The following CRACDL variants were observed in gnomAD, a reference collection of about 807,000 sequenced individuals.
CRACDL encodes the protein CRACD like, also known as CRACD-like protein.
In CRACDL, 26 loss-of-function variants were observed where a neutral mutation model predicts 70.6. The ratio of observed to expected loss-of-function variants is 0.37; its 90% CI spans 0.27 to 0.51. The LOEUF (loss-of-function observed/expected upper bound fraction) is 0.51. Among genes scored for constraint, CRACDL ranks in the 20% least tolerant of loss-of-function variants. CRACDL has a pLI of 0.94. For missense variants in CRACDL, 1,283 were observed against 1,376.9 expected (o/e 0.93, Z 1.08); for synonymous variants, 618 against 615.2 (o/e 1.00, Z -0.07).
At chr2:98,904,558 C>T (rs1417806539) in intron 1 of CRACDL, among the ~76,000 whole-genome samples, 2 of 152,218 alleles carry the variant, frequency 1.3e-5, no homozygotes, top group Non-Finnish European at 2.9e-5. Context: ...TTAGATACTG[C>T]ATATGAATGC....
chr2:98,837,170 C>T (rs34087245), intron 3 of CRACDL, among the ~76,000 whole-genome samples: 1,480 of 146,668 alleles, frequency 0.01, 13 homozygotes, highest in Middle Eastern at 0.018. Context: ...CCTGCTAGCA[C>T]CAAAAACAAT....
intron 1 of CRACDL, among the ~76,000 whole-genome samples, chr2:98,907,236 G>A (rs1309753152): frequency 6.6e-6 from 1 of 152,194 alleles, no homozygotes; most frequent in Non-Finnish European, 1.5e-5. Context: ...AGGTTGCGGT[G>A]AGCCAAGATC....
intron 1 of CRACDL, among the ~76,000 whole-genome samples, chr2:98,924,806 C>G (rs1283714026): frequency 6.6e-6 from 1 of 152,196 alleles, no homozygotes; most frequent in Admixed American, 6.5e-5. Context: ...CCTTAGCCCC[C>G]CAAAAAGGGG....
chr2:98,886,553 A>G (rs1707801893), intron 1 of CRACDL, among the ~76,000 whole-genome samples: 1 of 152,248 alleles, frequency 6.6e-6, no homozygotes. Flanking sequence ...CAGAGTCATC[A>G]ACTGCCTGGT....
chr2:98,906,450 C>T (rs1330002068), intron 1 of CRACDL, among the ~76,000 whole-genome samples: 5 of 151,962 alleles, frequency 3.3e-5, no homozygotes, highest in Non-Finnish European at 7.4e-5. Flanking sequence ...TTAGTACAGA[C>T]GGGGTTTTGC....
chr2:98,861,528 A>G (rs1011125161), intron 1 of CRACDL, among the ~76,000 whole-genome samples: 4 of 152,192 alleles, frequency 2.6e-5, no homozygotes, highest in African/African-American at 9.7e-5. Flanking sequence ...CAGTGCCTCA[A>G]AATGTGAAAC....
At chr2:98,815,580 T>TA (rs1235760039) in intron 7 of CRACDL, among the ~76,000 whole-genome samples, 1 of 152,204 alleles carries the variant, frequency 6.6e-6, no homozygotes, top group Non-Finnish European at 1.5e-5. Context: ...TCTGTGCTAA[T>TA]ACGGGGGTAT....
At chr2:98,843,781 A>G (rs373940425) in intron 2 of CRACDL, among the ~76,000 whole-genome samples, 18 of 152,212 alleles carry the variant, frequency 1.2e-4, no homozygotes, top group African/African-American at 4.1e-4. Context: ...GTAAGTCTTA[A>G]AAACAGGTAG....
intron 7 of CRACDL, among the ~76,000 whole-genome samples, chr2:98,815,406 A>G (rs976550845): frequency 6.6e-6 from 1 of 152,192 alleles, no homozygotes; most frequent in East Asian, 1.9e-4. Context: ...TCTAACTCAG[A>G]TGTCTCCTTT....
intron 1 of CRACDL, among the ~76,000 whole-genome samples, chr2:98,882,870 T>C (rs1430397096): frequency 6.6e-6 from 1 of 152,182 alleles, no homozygotes; most frequent in Non-Finnish European, 1.5e-5. Flanking sequence ...CTAAGGCAGG[T>C]ATCAGTAGAA....
rs542567722 is a variant in CRACDL at position 98,891,054 on chromosome 2, A to AAAAT, written c.-10-44248_-10-44245dup. On this transcript the variant is annotated intron_variant, in intron 1 of 9. Transcript: ENST00000397899. The stretch of plus-strand genomic sequence containing the variant: ...GTGACAAGAGCAAGACTCCATCTCA[A>AAAAT]AAATAAATAAATAAATAAATAAATA... 2.5e-3 allele frequency among the ~76,000 whole-genome samples: 385 copies of AAAAT among 151,798 alleles called. 2 individuals carry two copies. The highest frequency in any genetic ancestry group is 6.4e-3 in the East Asian group (33 of 5,166).
In CRACDL at chr2:98,796,243, A is replaced by C. The variant is rs530647034; in HGVS notation, c.2626T>G (p.Phe876Val). 2.5e-6 allele frequency: 4 copies of C among 1,614,166 alleles called. No individual in the cohort carries two copies. In the African/African-American group the frequency reaches 5.3e-5, roughly 22 times the overall value. The stretch of plus-strand genomic sequence containing the variant: ...ATCAGGAAAGACTTGCTGCGAACAA[A>C]GTCAGCTTGCTTCACAGGCTCCTGT... ...RGQEPVKQAD[F>V]VRSKSFLITP... Residue 876 changes from phenylalanine (F) to valine (V), a missense_variant, in exon 9 of 10, where the codon TTT (phenylalanine) becomes GTT (valine). By Grantham distance (50) the Phe-to-Val change is conservative. Around this residue, in one of 2 missense-constraint regions of CRACDL, gnomAD observed 921 missense variants for 881.9 expected, o/e 1.04. Coordinates refer to ENST00000397899, the MANE Select transcript of CRACDL (RefSeq NM_207362.3).
At position 98,919,821 on chromosome 2, in the gene CRACDL, C is replaced by T. The variant is rs546463680; in HGVS notation, c.-11+16117G>A. On this transcript the variant is annotated intron_variant, in intron 1 of 9. Transcript: ENST00000397899. ...AGGCTGGAGTGCAGTGGTGTGATCA[C>T]AGCTCACTGCAGCCTTGAAGTCCTG... Among the ~76,000 whole-genome samples the T allele has an allele frequency of 2.6e-5, 4 of 152,310 alleles. No homozygotes were observed. The South Asian group carries it at 8.3e-4, about 32-fold the overall frequency.
intron 1 of CRACDL, among the ~76,000 whole-genome samples, chr2:98,866,651 T>C (rs776306611): frequency 4.0e-5 from 6 of 151,278 alleles, no homozygotes; most frequent in Non-Finnish European, 8.8e-5. Flanking sequence ...CCACGCAGGC[T>C]AATTTTTTGT....
Position 98,934,698 on chromosome 2 carries a change from C to A in CRACDL, c.-11+1240G>T, listed in dbSNP as rs77716867. ...CTCGTGGAGGAGGTCCAGAATCAGA[C>A]TCAGGCAAGCCAGGTACTCACTACA... is the stretch of plus-strand genomic sequence containing the variant. On this transcript the variant is annotated intron_variant, in intron 1 of 9. Coordinates refer to ENST00000397899, the MANE Select transcript of CRACDL (RefSeq NM_207362.3). Among the ~76,000 whole-genome samples the A allele has an allele frequency of 8.2e-3, 1,250 of 152,294 alleles. 13 individuals are homozygous for A. The highest frequency in any genetic ancestry group is 0.015 in the Non-Finnish European group (1,012 of 68,028).
At chr2:98,874,290 G>A (rs942089082) in intron 1 of CRACDL, among the ~76,000 whole-genome samples, 15 of 152,208 alleles carry the variant, frequency 9.9e-5, no homozygotes, top group Admixed American at 2.0e-4. Flanking sequence ...AGCCATCATA[G>A]ATTACATTGA....
Position 98,822,046 on chromosome 2 carries a change from T to C in CRACDL, c.2227A>G (p.Ser743Gly). The C allele has an allele frequency of 1.9e-6, 3 of 1,546,362 alleles. No homozygotes were observed. Among genetic ancestry groups the C allele is most frequent in the Non-Finnish European group, 2.6e-6 (3 of 1,145,006 alleles). ...CGGGCCTTCCCCTTTCCTTGGTCGCTGGGGGCCCTGGTGCCTCGAAGGGCG... is the reference window on the plus strand; with the variant it reads ...CGGGCCTTCCCCTTTCCTTGGTCGCCGGGGGCCCTGGTGCCTCGAAGGGCG... ...APALRGTRAP[S>G]DQGKGKARPP... Residue 743 changes from serine (S) to glycine (G), a missense_variant, in exon 7 of 10, where the codon AGC becomes GGC. Physicochemically the swap from Ser to Gly is moderately conservative, Grantham distance 56. Transcript: ENST00000397899. This position sits in a 1 kb window ranked among gnomAD's most constrained non-coding sequence, Gnocchi z 4.9.
chr2:98,834,505 A>T (rs1384273243), intron 3 of CRACDL, among the ~76,000 whole-genome samples: 1 of 152,236 alleles, frequency 6.6e-6, no homozygotes, highest in Non-Finnish European at 1.5e-5. Flanking sequence ...TGCATGGGAA[A>T]GGGGGGCCTG....
rs1705096232 is a variant in CRACDL, at chr2:98,822,401, GTGC to G, written c.1869_1871del (p.Gln623del). On this transcript the variant is annotated inframe_deletion, in exon 7 of 10. Transcript: ENST00000397899. The surrounding 1 kb of genome is among the most constrained non-coding windows in gnomAD (Gnocchi z 4.9). ...CCAGCTTCCGAGGGCCAGGTTTCGCGTGCTGGGGCTCGGGGAGACCCTGGAGGT... is the reference window on the plus strand; with the variant it reads ...CCAGCTTCCGAGGGCCAGGTTTCGCGTGGGGCTCGGGGAGACCCTGGAGGT... 1 of 1,482,292 alleles carries G rather than the reference GTGC, an allele frequency of 6.7e-7. No individual in the cohort carries two copies. Among genetic ancestry groups the G allele is most frequent in the Non-Finnish European group, 8.9e-7 (1 of 1,125,150 alleles). 91.8% of individuals were successfully genotyped at this position (1,482,292 alleles called of 1,614,324 possible).
Sources: gnomAD v4.1 joint callset for allele counts (sites outside exome capture counted in the v4.1 genomes callset) on GRCh38, gnomAD v4.1.1 for gene constraint, gnomAD v4.1.1 regional missense constraint, Gnocchi (gnomAD v3.1) non-coding constraint, MANE v1.5 for transcripts, NCBI Gene and HGNC (gene_info 2026-07-23, HGNC 2026-07-21) for gene names.